The following SEMA3A variants were observed in gnomAD, a reference collection of about 807,000 sequenced individuals.
SEMA3A encodes semaphorin 3A.
Under a neutral mutation model 97.9 loss-of-function variants are expected in SEMA3A, and 29 were observed. The observed-to-expected ratio is 0.30, with a 90% CI of 0.22 to 0.40. The LOEUF (loss-of-function observed/expected upper bound fraction) is 0.40, where lower values mean the gene tolerates loss of function less well. SEMA3A is among the 10% of genes least tolerant of loss of function. The probability of loss-of-function intolerance (pLI) is 1.00; values close to 1 mark genes in which losing one functional copy is unlikely to be tolerated. For missense variants in SEMA3A, 763 were observed against 951.3 expected (o/e 0.80, Z 2.60); for synonymous variants, 321 against 323.7 (o/e 0.99, Z 0.09).
chr7:84,404,008 C>T (rs571409167), intron 1 of SEMA3A, among the ~76,000 whole-genome samples: 14 of 152,230 alleles, frequency 9.2e-5, no homozygotes, highest in Admixed American at 2.0e-4. Context: ...CAACGGAACA[C>T]AGCTCCTCAC....
At chr7:84,064,245 G>T (rs1793383679) in intron 4 of SEMA3A, among the ~76,000 whole-genome samples, 2 of 151,978 alleles carry the variant, frequency 1.3e-5, no homozygotes, top group Non-Finnish European at 2.9e-5. Flanking sequence ...CACCAGGCCT[G>T]CCCTAAAAGA....
chr7:84,066,034 A>T (rs2115724220), intron 4 of SEMA3A, among the ~76,000 whole-genome samples: 1 of 151,712 alleles, frequency 6.6e-6, no homozygotes. Context: ...AAATACTGGC[A>T]AACCGAATCC....
intron 1 of SEMA3A, among the ~76,000 whole-genome samples, chr7:84,408,664 G>C (rs369405087): frequency 9.9e-5 from 15 of 151,512 alleles, no homozygotes; most frequent in South Asian, 4.2e-4. Context: ...CAATGATAGA[G>C]TGGATTAAGA....
chr7:84,333,844 A>T (rs2115958428), intron 2 of SEMA3A, among the ~76,000 whole-genome samples: 1 of 147,698 alleles, frequency 6.8e-6, no homozygotes, highest in South Asian at 2.2e-4. Context: ...AGTTATTTTT[A>T]AATTTTAAAG....
At chr7:84,424,664 T>C (rs1418752987) in intron 1 of SEMA3A, among the ~76,000 whole-genome samples, 10 of 94,086 alleles carry the variant, frequency 1.1e-4, no homozygotes, top group Admixed American at 1.9e-4. Context: ...TATTATATAA[T>C]ATGTTATATA....
intron 6 of SEMA3A, among the ~76,000 whole-genome samples, chr7:84,018,654 T>G (rs7788378): frequency 0.2 from 30,429 of 152,052 alleles, 3,281 homozygotes; most frequent in East Asian, 0.41. Context: ...CAGAAACATC[T>G]CAGGTGAAGG....
intron 3 of SEMA3A, among the ~76,000 whole-genome samples, chr7:84,225,024 A>AAAG (rs1401879568): frequency 6.6e-6 from 1 of 152,142 alleles, no homozygotes; most frequent in African/African-American, 2.4e-5. Context: ...AATGAATTAC[A>AAAG]AAGTATAGAA....
At chr7:84,275,019 AG>A (rs1800257523) in intron 3 of SEMA3A, among the ~76,000 whole-genome samples, 2 of 152,096 alleles carry the variant, frequency 1.3e-5, no homozygotes, top group African/African-American at 4.8e-5. Flanking sequence ...TTTTACTACA[AG>A]TTTCACTCTG....
chr7:84,028,134 G>A (rs953313923), intron 6 of SEMA3A, among the ~76,000 whole-genome samples: 4 of 152,082 alleles, frequency 2.6e-5, no homozygotes, highest in Non-Finnish European at 4.4e-5. Flanking sequence ...AGAGACACAC[G>A]ATACATTGCA....
chr7:84,232,710 C>T (rs1250133782), intron 3 of SEMA3A, among the ~76,000 whole-genome samples: 2 of 152,078 alleles, frequency 1.3e-5, no homozygotes, highest in East Asian at 3.9e-4. Flanking sequence ...TCTTACAAAA[C>T]TAACTTGGTG....
chr7:84,364,948 A>C (rs539862001), intron 2 of SEMA3A, among the ~76,000 whole-genome samples: 1 of 151,790 alleles, frequency 6.6e-6, no homozygotes, highest in East Asian at 1.9e-4. Context: ...AAATAAAGGT[A>C]CAATTCTTGA....
chr7:84,306,446 C>G (rs956562961), intron 3 of SEMA3A: 5 of 152,078 alleles, frequency 3.3e-5, no homozygotes, highest in African/African-American at 1.2e-4. Flanking sequence ...GTGTTATTTT[C>G]TCTTAACAGT....
At chr7:84,340,456 T>C (rs1802136982) in intron 2 of SEMA3A, among the ~76,000 whole-genome samples, 1 of 152,112 alleles carries the variant, frequency 6.6e-6, no homozygotes, top group Admixed American at 6.6e-5. Flanking sequence ...TATTAATAAA[T>C]TTGTAATTGT....
At chr7:84,274,070 G>C (rs576031332) in intron 3 of SEMA3A, among the ~76,000 whole-genome samples, 1 of 152,064 alleles carries the variant, frequency 6.6e-6, no homozygotes, top group East Asian at 1.9e-4. Context: ...AATATTTTCA[G>C]AAATTACATA....
chr7:84,333,137 G>C (rs543636489), intron 2 of SEMA3A, among the ~76,000 whole-genome samples: 1 of 152,172 alleles, frequency 6.6e-6, no homozygotes, highest in East Asian at 1.9e-4. Flanking sequence ...TTGTAACTTT[G>C]TACTTTTTGT....
At chr7:83,988,440 A>C (rs1789732290) in intron 12 of SEMA3A, among the ~76,000 whole-genome samples, 3 of 151,984 alleles carry the variant, frequency 2.0e-5, no homozygotes, top group East Asian at 3.9e-4. Flanking sequence ...TGTGTTAGCC[A>C]GGATGGTCTC....
chr7:84,264,414 C>T (rs539313436), intron 3 of SEMA3A, among the ~76,000 whole-genome samples: 1 of 152,270 alleles, frequency 6.6e-6, no homozygotes, highest in African/African-American at 2.4e-5. Flanking sequence ...AGGATGGCAG[C>T]AGAATAGCCA....
intron 3 of SEMA3A, among the ~76,000 whole-genome samples, chr7:84,278,659 C>A (rs990396243): frequency 6.6e-5 from 10 of 152,026 alleles, no homozygotes; most frequent in African/African-American, 2.4e-4. Flanking sequence ...AAAGGAAGGG[C>A]AGGCAGAGCA....
rs548123112 is a variant in SEMA3A at position 84,309,335 on chromosome 7, T to C, written c.-168-2043A>G. On this transcript the variant is annotated intron_variant, in intron 2 of 3. Transcript: ENST00000424555. Reference sequence around the variant, plus strand: ...TGACTTGGAAGTTCTGAGTTCCTTCTGGTGACTGACATAAAATGAGAAAAT... The same window carrying C: ...TGACTTGGAAGTTCTGAGTTCCTTCCGGTGACTGACATAAAATGAGAAAAT... Among the ~76,000 whole-genome samples, 3 of 152,300 alleles carry C rather than the reference T, an allele frequency of 2.0e-5. No homozygotes were observed. The East Asian group carries it at 5.8e-4, about 29-fold the overall frequency.
Sources: allele counts gnomAD v4.1 joint callset (sites outside exome capture counted in the v4.1 genomes callset), GRCh38; gene constraint gnomAD v4.1.1; transcripts MANE v1.5; gene names NCBI Gene and HGNC (gene_info 2026-07-23, HGNC 2026-07-21).